Variants in ELMO1 observed in about 807,000 individuals in gnomAD.
ELMO1 encodes the protein engulfment and cell motility protein 1.
In ELMO1, 26 loss-of-function variants were observed where a neutral mutation model predicts 98.9. The ratio of observed to expected loss-of-function variants is 0.26; its 90% CI spans 0.19 to 0.36. The LOEUF is 0.36. Among genes scored for constraint, ELMO1 ranks in the 10% least tolerant of loss-of-function variants. The probability of loss-of-function intolerance (pLI) is 1.00; values close to 1 mark genes in which losing one functional copy is unlikely to be tolerated. For synonymous variants in ELMO1, 346 were observed against 346.0 expected, an observed-to-expected ratio of 1.00 and a Z score of 0.00; for missense variants, 627 against 935.2, an observed-to-expected ratio of 0.67 and a Z score of 4.30.
In ELMO1 at chr7:37,213,435, G is replaced by T. The variant is rs1455058106; in HGVS notation, c.854C>A (p.Ala285Asp). ...ILTHVIRAQR[A>D]INNEMAHQLY... is the part of the protein sequence containing the mutation. ...CTGGTGCGCCATCTCATTGTTGATG[G>T]CCCGCTGGGCTCGGATGACATGCTA... is the stretch of plus-strand genomic sequence containing the variant. Residue 285 changes from alanine to aspartate, a missense_variant, in exon 12 of 22, where the codon GCC (alanine) becomes GAC (aspartate). By Grantham distance (126) the Ala-to-Asp change is moderately radical. Transcript: ENST00000310758. 6.2e-7 allele frequency: 1 copy of T among 1,611,872 alleles called. No individual in the cohort carries two copies. The highest frequency in any genetic ancestry group is 1.3e-5 in the African/African-American group (1 of 74,822).
intron 1 of ELMO1, among the ~76,000 whole-genome samples, chr7:37,442,208 T>C (rs1017466006): frequency 6.6e-6 from 1 of 152,086 alleles, no homozygotes. Flanking sequence ...CAGCCCGAAA[T>C]GTCAATAGCA....
chr7:36,853,132 G>T lies in ELMO1; in HGVS notation c.*2419C>A, dbSNP rs1297590053. 6.6e-6 allele frequency among the ~76,000 whole-genome samples: 1 copy of T among 152,134 alleles called. No homozygotes were observed. The highest frequency in any genetic ancestry group is 1.5e-5 in the Non-Finnish European group (1 of 68,026). On this transcript the variant is annotated 3_prime_UTR_variant, in exon 22 of 22. Transcript: ENST00000310758. Reference sequence around the variant, plus strand: ...GAGAGAAGGTGAGGTGGCCAAATATGGGCAACAATCCTTCCCCACATGGTC... The same window carrying T: ...GAGAGAAGGTGAGGTGGCCAAATATTGGCAACAATCCTTCCCCACATGGTC...
chr7:37,073,620 A>T (rs1167206187), intron 15 of ELMO1, among the ~76,000 whole-genome samples: 1 of 151,062 alleles, frequency 6.6e-6, no homozygotes, highest in African/African-American at 2.4e-5. Context: ...CCTTAGAGAC[A>T]GGGTCTTGCT....
At chr7:37,142,476 T>C (rs1312820324) in intron 13 of ELMO1, among the ~76,000 whole-genome samples, 7 of 152,216 alleles carry the variant, frequency 4.6e-5, no homozygotes, top group Non-Finnish European at 7.3e-5. Context: ...CAGATGAGTT[T>C]GGAAGCTTGC....
intron 4 of ELMO1, among the ~76,000 whole-genome samples, chr7:37,272,284 A>G (rs1342194571): frequency 6.6e-6 from 1 of 152,210 alleles, no homozygotes; most frequent in African/African-American, 2.4e-5. Context: ...TAATAGCCAA[A>G]ACGTAGAAAC....
chr7:37,275,252 C>T (rs1261022299), intron 4 of ELMO1, among the ~76,000 whole-genome samples: 3 of 152,208 alleles, frequency 2.0e-5, no homozygotes, highest in African/African-American at 2.4e-5. Context: ...CCAGGGCTTC[C>T]CTGCCACACC....
intron 1 of ELMO1, among the ~76,000 whole-genome samples, chr7:37,350,393 CTT>C (rs1363060501): frequency 6.6e-6 from 1 of 152,150 alleles, no homozygotes; most frequent in Non-Finnish European, 1.5e-5. Flanking sequence ...AGAGAAAAGT[CTT>C]TGCTTTCCCA....
chr7:36,920,240 A>ATGAG (rs746528216), intron 16 of ELMO1, among the ~76,000 whole-genome samples: 4 of 152,260 alleles, frequency 2.6e-5, no homozygotes, highest in Non-Finnish European at 4.4e-5. Flanking sequence ...AAATGAATGA[A>ATGAG]TGAGTGAATG....
intron 16 of ELMO1, chr7:36,997,683 A>G (rs114487999): frequency 0.032 from 4,925 of 152,302 alleles, 264 homozygotes; most frequent in African/African-American, 0.11. Flanking sequence ...GGAGCTCAGA[A>G]GACGATGAGG....
intron 13 of ELMO1, among the ~76,000 whole-genome samples, chr7:37,184,716 TGG>T (rs1791093482): frequency 6.6e-6 from 1 of 152,012 alleles, no homozygotes; most frequent in African/African-American, 2.4e-5. Context: ...GAGATTGGCC[TGG>T]GTAATATAGC....
chr7:37,244,421 A>G, intron 6 of ELMO1, 30 bp from the exon 7 acceptor site: 1 of 1,608,662 alleles, frequency 6.2e-7, no homozygotes, highest in Admixed American at 1.7e-5. Flanking sequence ...CCATGTGAGG[A>G]GCATACTTAA....
chr7:37,116,582 T>A (rs980088299), intron 14 of ELMO1, among the ~76,000 whole-genome samples: 4 of 152,104 alleles, frequency 2.6e-5, no homozygotes, highest in Non-Finnish European at 5.9e-5. Flanking sequence ...TTACAATATG[T>A]CAACTACATA....
chr7:37,222,487 T>C, intron 10 of ELMO1, 128 bp downstream of exon 10: 2 of 920,298 alleles, frequency 2.2e-6, no homozygotes, highest in Non-Finnish European at 3.4e-6. Flanking sequence ...ATAGCTGCTC[T>C]GGAGAGTCCA....
chr7:37,163,284 T>C (rs973882642), intron 13 of ELMO1, among the ~76,000 whole-genome samples: 1 of 152,160 alleles, frequency 6.6e-6, no homozygotes. Context: ...TTTTCTCTCC[T>C]GTAATTCTTT....
At chr7:37,445,300 T>C (rs1805566397) in intron 1 of ELMO1, among the ~76,000 whole-genome samples, 1 of 152,238 alleles carries the variant, frequency 6.6e-6, no homozygotes. Flanking sequence ...ATCCACCACG[T>C]TTTCCAGATT....
chr7:37,022,606 A>G (rs1430494413), intron 15 of ELMO1, among the ~76,000 whole-genome samples: 1 of 152,240 alleles, frequency 6.6e-6, no homozygotes, highest in African/African-American at 2.4e-5. Flanking sequence ...TGTGGAACAA[A>G]TGGAATCATC....
intron 1 of ELMO1, among the ~76,000 whole-genome samples, chr7:37,445,082 T>C (rs755283695): frequency 2.6e-5 from 4 of 152,178 alleles, no homozygotes; most frequent in Non-Finnish European, 5.9e-5. Flanking sequence ...TGGGTGTCTG[T>C]TTTATGAAAT....
intron 1 of ELMO1, among the ~76,000 whole-genome samples, chr7:37,399,005 T>G (rs888827482): frequency 5.9e-5 from 9 of 152,158 alleles, no homozygotes; most frequent in Non-Finnish European, 1.2e-4. Context: ...CTGGCACCTG[T>G]CACTGAGCCC....
At chr7:37,100,136 C>T (rs753772904) in intron 14 of ELMO1, among the ~76,000 whole-genome samples, 1 of 152,180 alleles carries the variant, frequency 6.6e-6, no homozygotes, top group Non-Finnish European at 1.5e-5. Flanking sequence ...GCTTCACATA[C>T]ATATTACCAT....
Sources: gnomAD v4.1 joint callset for allele counts (sites outside exome capture counted in the v4.1 genomes callset) on GRCh38, gnomAD v4.1.1 for gene constraint, MANE v1.5 for transcripts, NCBI Gene and HGNC (gene_info 2026-07-23, HGNC 2026-07-21) for gene names.